The following FOXP2 variants were observed in gnomAD, a reference collection of about 807,000 sequenced individuals.
The protein encoded by FOXP2 is forkhead box P2.
Under a neutral mutation model 115.8 loss-of-function variants are expected in FOXP2, and 12 were observed. The observed-to-expected ratio is 0.10, with a 90% CI of 0.07 to 0.17. The LOEUF (loss-of-function observed/expected upper bound fraction) is 0.17. Among genes scored for constraint, FOXP2 ranks in the 10% least tolerant of loss-of-function variants. The pLI, the probability that FOXP2 is intolerant of heterozygous loss-of-function variation, is 1.00. For synonymous variants in FOXP2, 328 were observed against 297.7 expected (o/e 1.10, Z -1.05); for missense variants, 629 against 843.5 (o/e 0.75, Z 3.15).
intron 1 of FOXP2, among the ~76,000 whole-genome samples, chr7:114,166,681 G>T (rs769538343): frequency 7.2e-5 from 11 of 151,934 alleles, no homozygotes; most frequent in Non-Finnish European, 1.3e-4. Flanking sequence ...CTCCCGCCTG[G>T]GTGACAGAGT....
At chr7:114,134,694 C>T (rs1791987614) in intron 1 of FOXP2, among the ~76,000 whole-genome samples, 1 of 126,312 alleles carries the variant, frequency 7.9e-6, no homozygotes. Flanking sequence ...GCCTGGGCGA[C>T]AGAGCGAGAC....
intron 2 of FOXP2, among the ~76,000 whole-genome samples, chr7:114,344,479 C>A (rs1039844321): frequency 6.6e-6 from 1 of 151,758 alleles, no homozygotes; most frequent in Non-Finnish European, 1.5e-5. Flanking sequence ...TGAGACGTTT[C>A]CACATTGTAT....
chr7:114,451,235 C>A (rs1021754583), intron 2 of FOXP2, among the ~76,000 whole-genome samples: 1 of 151,910 alleles, frequency 6.6e-6, no homozygotes, highest in Non-Finnish European at 1.5e-5. Context: ...CTTGAAATGG[C>A]CTCTTGACAC....
intron 3 of FOXP2, among the ~76,000 whole-genome samples, chr7:114,583,075 A>G (rs1428855384): frequency 2.0e-5 from 3 of 152,224 alleles, no homozygotes; most frequent in Admixed American, 1.3e-4. Flanking sequence ...CTTAGAGTCC[A>G]CAGTTGAAAA....
intron 3 of FOXP2, among the ~76,000 whole-genome samples, chr7:114,591,586 T>C (rs1802440219): frequency 6.6e-6 from 1 of 152,040 alleles, no homozygotes; most frequent in South Asian, 2.1e-4. Context: ...ACTCAGATTC[T>C]GCTCATGGGT....
intron 3 of FOXP2, among the ~76,000 whole-genome samples, chr7:114,592,686 G>A (rs1400788197): frequency 6.6e-6 from 1 of 151,846 alleles, no homozygotes; most frequent in East Asian, 1.9e-4. Flanking sequence ...CTACATTTAA[G>A]GATATATTGT....
intron 1 of FOXP2, among the ~76,000 whole-genome samples, chr7:114,228,844 A>C (rs1163998118): frequency 7.2e-6 from 1 of 139,002 alleles, no homozygotes; most frequent in Non-Finnish European, 1.6e-5. Context: ...AAGGGACAAA[A>C]GAGCTACAAA....
intron 2 of FOXP2, among the ~76,000 whole-genome samples, chr7:114,486,635 C>A (rs1341598679): frequency 1.3e-5 from 2 of 152,162 alleles, no homozygotes; most frequent in African/African-American, 4.8e-5. Context: ...CCTGTAAAAT[C>A]AAAAGCAAGT....
intron 1 of FOXP2, among the ~76,000 whole-genome samples, chr7:114,271,962 A>AATTATATATAATATAATTATAT (rs1302039140): frequency 1.5e-5 from 2 of 132,860 alleles, no homozygotes; most frequent in East Asian, 4.4e-4. Context: ...TTATTATATT[A>AATTATATATAATATAATTATAT]ATTATATATA....
chr7:114,556,475 C>G lies in FOXP2; in HGVS notation c.258+21769C>G, dbSNP rs114559468. 2.9e-3 allele frequency among the ~76,000 whole-genome samples: 436 copies of G among 152,238 alleles called. 1 individual carries two copies. Among genetic ancestry groups the G allele is most frequent in the African/African-American group, 0.01 (419 of 41,530 alleles). On this transcript the variant is annotated intron_variant, in intron 3 of 16. Transcript: ENST00000350908. ...GTGATCATAATCTGAATTGCTCCCC[C>G]CTAAGGAGTAAAGCATACAGTAAAA...
Position 114,345,698 on chromosome 7 carries a change from C to T in FOXP2, c.-11+57589C>T, listed in dbSNP as rs547617295. Reference sequence around the variant, plus strand: ...GTGAAATATTTTTCATATGACACTACGCAAAATGAGTACAGTACACCAGCT... The same window carrying T: ...GTGAAATATTTTTCATATGACACTATGCAAAATGAGTACAGTACACCAGCT... On this transcript the variant is annotated intron_variant, in intron 2 of 17. Transcript: ENST00000634411. Among the ~76,000 whole-genome samples the T allele has an allele frequency of 9.9e-5, 15 of 151,638 alleles. No individual in the cohort carries two copies. The South Asian group carries it at 2.1e-3, about 21-fold the overall frequency.
intron 1 of FOXP2, among the ~76,000 whole-genome samples, chr7:114,226,177 T>A (rs575322750): frequency 2.6e-5 from 4 of 152,346 alleles, no homozygotes; most frequent in Non-Finnish European, 5.9e-5. Flanking sequence ...AGCCCCCCAA[T>A]TTACCATTTT....
At chr7:114,137,041 G>A (rs1792060012) in intron 1 of FOXP2, among the ~76,000 whole-genome samples, 1 of 151,928 alleles carries the variant, frequency 6.6e-6, no homozygotes, top group Non-Finnish European at 1.5e-5. Context: ...TTAATGTGCT[G>A]TATGAGTTTG....
At chr7:114,452,941 C>G (rs577194240) in intron 2 of FOXP2, among the ~76,000 whole-genome samples, 1 of 152,200 alleles carries the variant, frequency 6.6e-6, no homozygotes, top group East Asian at 1.9e-4. Context: ...ACTGCCTTCT[C>G]TTAGTGTTTG....
intron 1 of FOXP2, among the ~76,000 whole-genome samples, chr7:114,267,545 G>C (rs1488441913): frequency 6.6e-6 from 1 of 151,398 alleles, no homozygotes; most frequent in Non-Finnish European, 1.5e-5. Flanking sequence ...TGGCTAACAC[G>C]GTGAAAACCT....
chr7:114,269,075 C>T lies in FOXP2; in HGVS notation c.-101-18944C>T, dbSNP rs984924930. ...CCTGAAGAAATCATGTCATTTATAA[C>T]TGAGTATTCTAGCTAAGTAAACAAA... On this transcript the variant is annotated intron_variant, in intron 1 of 17. Coordinates refer to the FOXP2 transcript ENST00000634411. 7.2e-5 allele frequency among the ~76,000 whole-genome samples: 11 copies of T among 152,148 alleles called. 1 individual carries two copies. Among genetic ancestry groups the T allele is most frequent in the Admixed American group, 3.9e-4 (6 of 15,288 alleles).
intron 1 of FOXP2, among the ~76,000 whole-genome samples, chr7:114,180,346 C>A (rs1023010026): frequency 2.6e-5 from 4 of 151,854 alleles, no homozygotes; most frequent in African/African-American, 9.7e-5. Flanking sequence ...TTCTGCCCAT[C>A]TCATACATTT....
chr7:114,261,490 A>T (rs536977041), intron 1 of FOXP2, among the ~76,000 whole-genome samples: 1 of 152,324 alleles, frequency 6.6e-6, no homozygotes, highest in East Asian at 1.9e-4. Flanking sequence ...GATTTTAAAC[A>T]TTTTTAAAAT....
chr7:114,124,899 A>C (rs1322191141), intron 1 of FOXP2, among the ~76,000 whole-genome samples: 1 of 152,128 alleles, frequency 6.6e-6, no homozygotes, highest in East Asian at 1.9e-4. Flanking sequence ...GATTACTCTA[A>C]TCCTCACTGC....
Sources: gnomAD v4.1 joint callset for allele counts (sites outside exome capture counted in the v4.1 genomes callset) on GRCh38, gnomAD v4.1.1 for gene constraint, MANE v1.5 for transcripts, NCBI Gene and HGNC (gene_info 2026-07-23, HGNC 2026-07-21) for gene names.